The following SLC4A8 variants were observed in gnomAD, a reference collection of about 807,000 sequenced individuals.
The protein encoded by SLC4A8 is solute carrier family 4 member 8, also known as electroneutral sodium bicarbonate exchanger 1.
In SLC4A8, 40 loss-of-function variants were observed where a neutral mutation model predicts 125.0. The ratio of observed to expected loss-of-function variants is 0.32; its 90% confidence interval spans 0.25 to 0.42. The LOEUF is 0.42. Ranked by LOEUF, SLC4A8 falls within the 10% of genes least tolerant of loss-of-function variation. SLC4A8 has a pLI of 1.00. For missense variants in SLC4A8, 863 were observed against 1,355.1 expected (o/e 0.64, Z 5.70); for synonymous variants, 456 against 476.0 (o/e 0.96, Z 0.55).
rs1486576642 is a variant in SLC4A8 at position 51,513,490 on chromosome 12, T to C, written c.*6052T>C. 2.0e-5 allele frequency: 3 copies of C among 152,258 alleles called. No homozygotes were observed. Among genetic ancestry groups the C allele is most frequent in the African/African-American group, 7.2e-5 (3 of 41,444 alleles). 9.4% of individuals were successfully genotyped at this position (152,258 alleles called of 1,614,324 possible). ...TGAGACGGAGTCTCGCTCTGTCGCT[T>C]TGTCACCAGGCTGGAGTGCAATGGC... On this transcript the variant is annotated 3_prime_UTR_variant, in exon 25 of 25. Coordinates refer to ENST00000453097, the MANE Select transcript of SLC4A8 (RefSeq NM_001039960.3).
chr12:51,411,430 A>G (rs1310409475), intron 1 of SLC4A8, among the ~76,000 whole-genome samples: 1 of 152,116 alleles, frequency 6.6e-6, no homozygotes, highest in East Asian at 1.9e-4. Context: ...TCTACTAAAA[A>G]TACAAAAAAT....
At chr12:51,461,596 G>C in intron 9 of SLC4A8, 1 of 255,418 alleles carries the variant, frequency 3.9e-6, no homozygotes, top group Non-Finnish European at 7.6e-6. Flanking sequence ...ACTTTCAAGA[G>C]AAGATGGTTA....
intron 1 of SLC4A8, among the ~76,000 whole-genome samples, chr12:51,434,260 A>G (rs748894642): frequency 9.2e-5 from 14 of 152,190 alleles, no homozygotes; most frequent in Non-Finnish European, 1.5e-4. Context: ...GTGTAGCCCT[A>G]AAGATTAAAG....
chr12:51,454,591 T>C (rs1950077405), intron 5 of SLC4A8, among the ~76,000 whole-genome samples: 1 of 93,932 alleles, frequency 1.1e-5, no homozygotes, highest in Non-Finnish European at 2.2e-5. Context: ...GATTAAGTGC[T>C]GTGCTTTTAG....
chr12:51,471,478 C>T lies in SLC4A8; in HGVS notation c.1850C>T (p.Ala617Val). 1.2e-6 allele frequency: 2 copies of T among 1,614,230 alleles called. No individual in the cohort carries two copies. Among genetic ancestry groups the T allele is most frequent in the South Asian group, 1.1e-5 (1 of 91,086 alleles). Residue 617 changes from alanine (A) to valine (V), a missense_variant, in exon 14 of 25, where the codon GCA becomes GTA. Coordinates refer to ENST00000453097, the MANE Select transcript of SLC4A8 (RefSeq NM_001039960.3). ...GCAATAGAAAAACTGATTCACCTGG[C>T]AGAGACCTACCCCATCCACATGCAC... is the stretch of plus-strand genomic sequence containing the variant. Reference protein sequence around the residue: ...YEAIEKLIHLAETYPIHMHSQ... With the variant: ...YEAIEKLIHLVETYPIHMHSQ...
chr12:51,393,500 G>A (rs1439630462), intron 1 of SLC4A8, among the ~76,000 whole-genome samples: 2 of 152,176 alleles, frequency 1.3e-5, no homozygotes, highest in Non-Finnish European at 2.9e-5. Context: ...GAAGCCAGCC[G>A]GGTGTTAACA....
At chr12:51,503,325 C>T (rs971580705) in intron 22 of SLC4A8, among the ~76,000 whole-genome samples, 2 of 151,536 alleles carry the variant, frequency 1.3e-5, no homozygotes, top group Non-Finnish European at 2.9e-5. Flanking sequence ...CCCGGGTTCA[C>T]GCCATTCTCC....
At chr12:51,412,620 T>C (rs1016738808) in intron 1 of SLC4A8, among the ~76,000 whole-genome samples, 2 of 152,244 alleles carry the variant, frequency 1.3e-5, no homozygotes, top group Admixed American at 1.3e-4. Context: ...ACTATCATAC[T>C]GCTCTCTACT....
Position 51,474,382 on chromosome 12 carries a change from C to G in SLC4A8, c.1945C>G (p.Leu649Val), listed in dbSNP as rs776712804. 9.3e-6 allele frequency: 15 copies of G among 1,611,166 alleles called. No individual in the cohort carries two copies. The South Asian group carries it at 1.5e-4, about 17-fold the overall frequency. The change falls in exon 15 of 25, where the codon CTC becomes GTC. Residue 649 changes from leucine to valine, a missense_variant. Leu to Val is a conservative substitution (Grantham distance 32, BLOSUM62 1). Around this residue, in one of 6 missense-constraint regions of SLC4A8, gnomAD observed 76 missense variants for 80.2 expected, o/e 0.95. Coordinates refer to ENST00000453097, the MANE Select transcript of SLC4A8 (RefSeq NM_001039960.3). ...TLPENPNNHT[L>V]QYWKDHNIVT... is the part of the protein sequence containing the mutation. ...GCCAGAGAATCCAAACAATCACACC[C>G]TCCAGTACTGGAAGGACCACAACAT... is the stretch of plus-strand genomic sequence containing the variant.
Position 51,410,649 on chromosome 12 carries a change from G to A in SLC4A8, c.-112+19161G>A, listed in dbSNP as rs953804074. ...ATTTTTTTATATTTTTAGTAGAGAC[G>A]GGGTTTCACCATGTTGGCCAGGCTG... On this transcript the variant is annotated intron_variant, in intron 1 of 24. Coordinates refer to the SLC4A8 transcript ENST00000358657. Among the ~76,000 whole-genome samples the A allele has an allele frequency of 8.6e-5, 13 of 151,916 alleles. No individual in the cohort carries two copies. In the East Asian group the frequency reaches 9.7e-4, roughly 11 times the overall value.
intron 1 of SLC4A8, chr12:51,425,363 C>A: frequency 8.6e-7 from 1 of 1,164,118 alleles, no homozygotes; most frequent in Non-Finnish European, 1.1e-6. Context: ...CGTCTGGCCT[C>A]GCGTTGTCCT....
intron 22 of SLC4A8, among the ~76,000 whole-genome samples, chr12:51,500,140 TG>T (rs372751843): frequency 6.6e-5 from 10 of 152,310 alleles, no homozygotes; most frequent in African/African-American, 2.4e-4. Flanking sequence ...TTTATTAAGA[TG>T]GGGAAGACCA....
chr12:51,393,594 T>A (rs1948202467), intron 1 of SLC4A8, among the ~76,000 whole-genome samples: 1 of 152,190 alleles, frequency 6.6e-6, no homozygotes, highest in Non-Finnish European at 1.5e-5. Context: ...TGTTCTTTGA[T>A]GGAGTCAGGA....
chr12:51,425,160 G>A (rs912931746), intron 1 of SLC4A8, 125 bp downstream of exon 1: 216 of 1,440,144 alleles, frequency 1.5e-4, no homozygotes, highest in Non-Finnish European at 1.9e-4. Context: ...GGCGAGGGGA[G>A]GCCAGCCCGG....
chr12:51,412,818 ATTCATCCATTGATGGACACTTAG>A lies in SLC4A8; in HGVS notation c.-112+21333_-112+21355del, dbSNP rs1276459478. ...GTGTGTAAATACATTTTCCTTATTC[ATTCATCCATTGATGGACACTTAG>A]TTTGATTCCATATCTTGGCTATTGT... On this transcript the variant is annotated intron_variant, in intron 1 of 24. Coordinates refer to the SLC4A8 transcript ENST00000358657. Among the ~76,000 whole-genome samples the A allele has an allele frequency of 1.3e-5, 2 of 152,294 alleles. 1 individual carries two copies. The highest frequency in any genetic ancestry group is 1.3e-4 in the Admixed American group (2 of 15,306).
chr12:51,470,155 C>T (rs532303122), intron 12 of SLC4A8, among the ~76,000 whole-genome samples: 1 of 152,240 alleles, frequency 6.6e-6, no homozygotes, highest in South Asian at 2.1e-4. Flanking sequence ...AATTGAGTCA[C>T]TGAAGAATAG....
rs1938399184 is a variant in SLC4A8 at position 51,512,474 on chromosome 12, A to G, written c.*5036A>G. 1 of 152,206 alleles carries G rather than the reference A, an allele frequency of 6.6e-6. No homozygotes were observed. The highest frequency in any genetic ancestry group is 2.1e-4 in the South Asian group (1 of 4,816). The allele number at this position is 152,206 out of a possible 1,614,324, so 9.4% of individuals were successfully genotyped here. A position where few individuals can be genotyped will look rare whatever the true frequency, so the allele number is the denominator to read the frequency against. ...CTGCTTCATCTCTGTGGTAGGAACCATTCCCTACTCTTACTCCCTCCTCTT... is the reference window on the plus strand; with the variant it reads ...CTGCTTCATCTCTGTGGTAGGAACCGTTCCCTACTCTTACTCCCTCCTCTT... On this transcript the variant is annotated 3_prime_UTR_variant, in exon 25 of 25. Coordinates refer to ENST00000453097, the MANE Select transcript of SLC4A8 (RefSeq NM_001039960.3).
chr12:51,480,841 C>T (rs1156402364), intron 16 of SLC4A8, among the ~76,000 whole-genome samples: 2 of 152,196 alleles, frequency 1.3e-5, no homozygotes, highest in African/African-American at 4.8e-5. Flanking sequence ...TTCTCTGTCG[C>T]TCACTTTGGG....
At chr12:51,462,231 C>A in intron 9 of SLC4A8, 79 bp from the exon 10 acceptor site, 2 of 1,312,410 alleles carry the variant, frequency 1.5e-6, no homozygotes, top group South Asian at 1.2e-5. Context: ...AGGTTGTATT[C>A]ATTTTTCACC....
Sources: allele counts gnomAD v4.1 joint callset (sites outside exome capture counted in the v4.1 genomes callset), GRCh38; gene constraint gnomAD v4.1.1; regional missense constraint gnomAD v4.1.1; transcripts MANE v1.5; gene names NCBI Gene and HGNC (gene_info 2026-07-23, HGNC 2026-07-21).